The following CAB39L variants were observed in gnomAD, a reference collection of about 807,000 sequenced individuals.
The protein encoded by CAB39L is calcium binding protein 39 like.
Under a neutral mutation model 39.1 loss-of-function variants are expected in CAB39L, and 23 were observed. That is an observed-to-expected ratio of 0.59 (90% CI 0.42 to 0.83). The LOEUF is 0.83. CAB39L is among the 40% of genes least tolerant of loss of function. The pLI is 0.00. For synonymous variants in CAB39L, 126 were observed against 137.2 expected (o/e 0.92, Z 0.57); for missense variants, 366 against 391.9 (o/e 0.93, Z 0.56).
At chr13:49,440,559 T>G (rs181476680) in intron 1 of CAB39L, among the ~76,000 whole-genome samples, 1 of 151,984 alleles carries the variant, frequency 6.6e-6, no homozygotes, top group East Asian at 1.9e-4. Flanking sequence ...GTGTAGCTTG[T>G]TTTGGGCAGT....
intron 7 of CAB39L, among the ~76,000 whole-genome samples, chr13:49,349,609 T>C (rs1200077675): frequency 1.3e-5 from 2 of 151,902 alleles, no homozygotes; most frequent in Admixed American, 6.6e-5. Flanking sequence ...TTGGTAGACA[T>C]TGAAGAAAAT....
chr13:49,442,551 G>A (rs762557519), intron 1 of CAB39L, among the ~76,000 whole-genome samples: 1 of 152,028 alleles, frequency 6.6e-6, no homozygotes, highest in Non-Finnish European at 1.5e-5. Context: ...CAGCACTTTG[G>A]GAGGTGGAGG....
Position 49,386,342 on chromosome 13 carries a change from G to C in CAB39L, c.-31-3401C>G, listed in dbSNP as rs1283937006. ...CCCCTTTTCATCTGATGGTGGGTTT[G>C]TTCATTTATTCATTGAATAAATAAT... On this transcript the variant is annotated intron_variant, in intron 3 of 10. Transcript: ENST00000409308. Among the ~76,000 whole-genome samples the C allele has an allele frequency of 5.3e-5, 8 of 152,148 alleles. No homozygotes were observed. The East Asian group carries it at 1.5e-3, about 29-fold the overall frequency.
chr13:49,350,930 G>C lies in CAB39L; in HGVS notation c.396-18C>G. ...CTTCATATCTAAAGCGTAAACAAGAGAGAAATAGAGAACTCTGTTATCCTA... is the reference window on the plus strand; with the variant it reads ...CTTCATATCTAAAGCGTAAACAAGACAGAAATAGAGAACTCTGTTATCCTA... On this transcript the variant is annotated intron_variant, in intron 6 of 10. Transcript: ENST00000409308. 1 of 1,542,682 alleles carries C rather than the reference G, an allele frequency of 6.5e-7. No individual in the cohort carries two copies. Among genetic ancestry groups the C allele is most frequent in the Non-Finnish European group, 8.7e-7 (1 of 1,143,438 alleles).
intron 5 of CAB39L, among the ~76,000 whole-genome samples, chr13:49,373,956 A>G (rs1306583203): frequency 6.6e-6 from 1 of 152,242 alleles, no homozygotes; most frequent in Non-Finnish European, 1.5e-5. Context: ...GAGATAACAT[A>G]GTACATTTCT....
At chr13:49,409,570 T>A (rs947341471) in intron 3 of CAB39L, among the ~76,000 whole-genome samples, 9 of 151,124 alleles carry the variant, frequency 6.0e-5, no homozygotes, top group African/African-American at 2.2e-4. Flanking sequence ...ATGGGAGGGA[T>A]CAAGAACATA....
Position 49,401,982 on chromosome 13 carries a change from GA to G in CAB39L, c.-31-19042del, listed in dbSNP as rs771469977. Among the ~76,000 whole-genome samples the G allele has an allele frequency of 1.9e-3, 289 of 152,026 alleles. 1 individual carries two copies. Among genetic ancestry groups the G allele is most frequent in the Middle Eastern group, 3.4e-3 (1 of 292 alleles). ...TATAATTTAAACTGTGCAATTTTAT[GA>G]AAAAAATGTATTTCTTAATACGGTA... On this transcript the variant is annotated intron_variant, in intron 3 of 10. Transcript: ENST00000409308.
intron 3 of CAB39L, among the ~76,000 whole-genome samples, chr13:49,415,352 TA>T (rs1231457346): frequency 6.3e-4 from 91 of 144,086 alleles, no homozygotes; most frequent in Admixed American, 5.6e-4. Flanking sequence ...CCTTCTCTAC[TA>T]AAAAAAAAAA....
rs1955583268 is a variant in CAB39L, at chr13:49,359,803, G to A, written c.306C>T (p.Asn102=). 1 of 1,610,814 alleles carries A rather than the reference G, an allele frequency of 6.2e-7. No homozygotes were observed. Among genetic ancestry groups the A allele is most frequent in the Non-Finnish European group, 8.5e-7 (1 of 1,177,218 alleles). The part of the protein sequence containing the change: ...EGKKDVTQIF[N]NILRRQIGTR... Reference sequence around the variant, plus strand: ...TGCCTATCTGTCTTCTCAAGATGTTGTTAAATATCTGGGTCACATCTTTTT... The same window carrying A: ...TGCCTATCTGTCTTCTCAAGATGTTATTAAATATCTGGGTCACATCTTTTT... Residue 102 remains asparagine (N), a synonymous_variant, in exon 6 of 11, where the codon AAC becomes AAT. Transcript: ENST00000409308.
At chr13:49,346,657 G>A (rs1593957906) in intron 7 of CAB39L, among the ~76,000 whole-genome samples, 1 of 152,298 alleles carries the variant, frequency 6.6e-6, no homozygotes, top group East Asian at 1.9e-4. Context: ...GCCGTTTAGA[G>A]GGCTGACTGT....
At chr13:49,369,492 T>C (rs1405791835) in intron 5 of CAB39L, among the ~76,000 whole-genome samples, 1 of 152,134 alleles carries the variant, frequency 6.6e-6, no homozygotes, top group Non-Finnish European at 1.5e-5. Context: ...GTTTACCCAA[T>C]CTTTTTGCAA....
At chr13:49,333,265 C>T (rs1954760298) in intron 9 of CAB39L, among the ~76,000 whole-genome samples, 1 of 151,380 alleles carries the variant, frequency 6.6e-6, no homozygotes, top group South Asian at 2.1e-4. Context: ...TAATCTGCAA[C>T]CTCCTTCATC....
chr13:49,392,876 T>C (rs1237523319), intron 3 of CAB39L: 1 of 152,126 alleles, frequency 6.6e-6, no homozygotes, highest in Non-Finnish European at 1.5e-5. Flanking sequence ...AATTGATGAA[T>C]ATAATAAATT....
At chr13:49,425,466 C>T (rs1360297123) in intron 3 of CAB39L, among the ~76,000 whole-genome samples, 1 of 152,040 alleles carries the variant, frequency 6.6e-6, no homozygotes, top group African/African-American at 2.4e-5. Flanking sequence ...TATAAAAGTT[C>T]AGTTGTGCAT....
At chr13:49,311,748 TA>T (rs1464223830) in intron 10 of CAB39L, among the ~76,000 whole-genome samples, 1 of 152,170 alleles carries the variant, frequency 6.6e-6, no homozygotes, top group Non-Finnish European at 1.5e-5. Flanking sequence ...AATAAGGATA[TA>T]AAGAAAGAAA....
intron 1 of CAB39L, among the ~76,000 whole-genome samples, chr13:49,435,029 G>A (rs1957386979): frequency 6.6e-6 from 1 of 152,182 alleles, no homozygotes; most frequent in African/African-American, 2.4e-5. Flanking sequence ...TCTCTCTTCT[G>A]TTGTTGGCAC....
At chr13:49,433,902 T>A (rs1424699046) in intron 2 of CAB39L, among the ~76,000 whole-genome samples, 184 bp downstream of exon 2, 1 of 152,206 alleles carries the variant, frequency 6.6e-6, no homozygotes, top group Non-Finnish European at 1.5e-5. Context: ...TTTGAAGGGT[T>A]TCTTGCTTTT....
At chr13:49,401,833 T>C (rs1159520807) in intron 3 of CAB39L, among the ~76,000 whole-genome samples, 1 of 152,210 alleles carries the variant, frequency 6.6e-6, no homozygotes, top group Admixed American at 6.5e-5. Context: ...CACCTGCTAA[T>C]ATGCTAGCTC....
At chr13:49,341,918 C>G (rs1036068209) in intron 8 of CAB39L, among the ~76,000 whole-genome samples, 1 of 152,130 alleles carries the variant, frequency 6.6e-6, no homozygotes, top group Non-Finnish European at 1.5e-5. Flanking sequence ...AAAACAAATA[C>G]TCTAGTTGAT....
Sources: allele counts gnomAD v4.1 joint callset (sites outside exome capture counted in the v4.1 genomes callset), GRCh38; gene constraint gnomAD v4.1.1; transcripts MANE v1.5; gene names NCBI Gene and HGNC (gene_info 2026-07-23, HGNC 2026-07-21).